The following ITPR1 variants were observed in gnomAD, a reference collection of about 807,000 sequenced individuals.
ITPR1 encodes inositol 1,4,5-trisphosphate-gated calcium channel ITPR1.
Under a neutral mutation model 318.4 loss-of-function variants are expected in ITPR1, and 96 were observed. The ratio of observed to expected loss-of-function variants is 0.30; its 90% CI spans 0.26 to 0.36. ITPR1 has a LOEUF of 0.36. Among genes scored for constraint, ITPR1 ranks in the 10% least tolerant of loss-of-function variants. The pLI is 1.00. For missense variants in ITPR1, 2,440 were observed against 3,460.2 expected, an observed-to-expected ratio of 0.71 and a Z score of 7.40; for synonymous variants, 1,312 against 1,289.9, an observed-to-expected ratio of 1.02 and a Z score of -0.37.
intron 20 of ITPR1, among the ~76,000 whole-genome samples, chr3:4,672,102 G>A (rs1444385418): frequency 6.6e-6 from 1 of 152,118 alleles, no homozygotes; most frequent in Non-Finnish European, 1.5e-5. Context: ...TTGATCACAT[G>A]CTGCAGTTCT....
chr3:4,574,537 G>C (rs1265996634), intron 4 of ITPR1, among the ~76,000 whole-genome samples: 1 of 152,158 alleles, frequency 6.6e-6, no homozygotes, highest in South Asian at 2.1e-4. Context: ...TTCCCAGTTT[G>C]TTTGGGATCA....
At chr3:4,555,768 T>A (rs777330732) in intron 4 of ITPR1, among the ~76,000 whole-genome samples, 5 of 152,228 alleles carry the variant, frequency 3.3e-5, no homozygotes, top group East Asian at 1.9e-4. Context: ...ACTTAAAAAA[T>A]TTATACAGCT....
At position 4,779,526 on chromosome 3, in the gene ITPR1, C is replaced by G. The variant is rs1176096404; in HGVS notation, c.6292-24C>G. 6.3e-7 allele frequency: 1 copy of G among 1,589,560 alleles called. No individual in the cohort carries two copies. Among genetic ancestry groups the G allele is most frequent in the Non-Finnish European group, 8.6e-7 (1 of 1,158,788 alleles). ...CCCCCAAGCAGCCCCTCTACATTTCCTCTCCCTTTGTTTCTCCAACTAGAA... is the reference window on the plus strand; with the variant it reads ...CCCCCAAGCAGCCCCTCTACATTTCGTCTCCCTTTGTTTCTCCAACTAGAA... On this transcript the variant is annotated intron_variant, in intron 48 of 61. Transcript: ENST00000649015. The surrounding 1 kb of genome is among the most constrained non-coding windows in gnomAD (Gnocchi z 4.0).
Position 4,673,308 on chromosome 3 carries a change from C to T in ITPR1, c.2377C>T (p.Arg793Ter), listed in dbSNP as rs2125214086. 1 of 1,613,848 alleles carries T rather than the reference C, an allele frequency of 6.2e-7. No homozygotes were observed. The highest frequency in any genetic ancestry group is 8.5e-7 in the Non-Finnish European group (1 of 1,179,826). ...CRLMLHMHVD[R>*]DPQEQVTPVK... Reference sequence around the variant, plus strand: ...CCTCATGCTTCACATGCATGTGGACCGAGATCCCCAGGAACAAGTCACCCC... The same window carrying T: ...CCTCATGCTTCACATGCATGTGGACTGAGATCCCCAGGAACAAGTCACCCC... Residue 793 changes from arginine (R) to a stop codon, truncating the protein, a stop_gained, in exon 21 of 62, where the codon CGA becomes TGA. Transcript: ENST00000649015. LOFTEE classifies it high-confidence loss of function.
intron 44 of ITPR1, among the ~76,000 whole-genome samples, chr3:4,738,656 G>A (rs971690232): frequency 5.3e-5 from 8 of 152,190 alleles, no homozygotes; most frequent in African/African-American, 1.4e-4. Flanking sequence ...TGTTTTTCAC[G>A]GAGCACCCTG....
chr3:4,801,198 G>C (rs752666095), intron 54 of ITPR1, among the ~76,000 whole-genome samples: 3 of 152,192 alleles, frequency 2.0e-5, no homozygotes, highest in Non-Finnish European at 4.4e-5. Flanking sequence ...CATTGGAGAG[G>C]TTTCCTTGTG....
At chr3:4,691,663 C>T (rs996395818) in intron 32 of ITPR1, among the ~76,000 whole-genome samples, 18 of 151,920 alleles carry the variant, frequency 1.2e-4, no homozygotes, top group African/African-American at 1.9e-4. Context: ...TGAGCCAGAA[C>T]GCTTCCATTC....
chr3:4,621,736 A>G lies in ITPR1; in HGVS notation c.164-6027A>G, dbSNP rs529002854. ...GCTCTAGCCTTTGCCTACTACTACC[A>G]GTCCTGCTTTTCTACTCAATCTGTC... On this transcript the variant is annotated intron_variant, in intron 4 of 61. Transcript: ENST00000649015. Among the ~76,000 whole-genome samples, 135 of 152,278 alleles carry G rather than the reference A, an allele frequency of 8.9e-4. 1 individual carries two copies. The highest frequency in any genetic ancestry group is 3.0e-3 in the African/African-American group (126 of 41,552).
At chr3:4,768,869 C>A in intron 46 of ITPR1, 105 bp downstream of exon 46, 2 of 1,122,030 alleles carry the variant, frequency 1.8e-6, no homozygotes, top group Non-Finnish European at 2.6e-6. Flanking sequence ...ATTGCTTGAG[C>A]CAAGGATCCA....
At chr3:4,648,550 C>T (rs1178421838) in intron 10 of ITPR1, among the ~76,000 whole-genome samples, 2 of 152,238 alleles carry the variant, frequency 1.3e-5, no homozygotes, top group African/African-American at 2.4e-5. Flanking sequence ...TGGCTCATGC[C>T]TGTAATCCCA....
intron 39 of ITPR1, among the ~76,000 whole-genome samples, chr3:4,713,940 A>G (rs1251973244): frequency 6.6e-6 from 1 of 152,186 alleles, no homozygotes; most frequent in Non-Finnish European, 1.5e-5. Flanking sequence ...AGCCACTCCA[A>G]ACCTGCAAGA....
chr3:4,800,382 T>C, intron 53 of ITPR1, 43 bp from the exon 54 acceptor site: 1 of 1,596,922 alleles, frequency 6.3e-7, no homozygotes, highest in Non-Finnish European at 8.5e-7. Flanking sequence ...CTGTACTCAG[T>C]GAAGGCACAG....
chr3:4,712,865 AAG>A (rs1262147922), intron 39 of ITPR1, among the ~76,000 whole-genome samples: 1 of 152,254 alleles, frequency 6.6e-6, no homozygotes, highest in African/African-American at 2.4e-5. Flanking sequence ...TGTAAGCAAC[AAG>A]AGTTCCATGA....
At chr3:4,773,666 T>A (rs1017422066) in intron 46 of ITPR1, among the ~76,000 whole-genome samples, 1 of 152,180 alleles carries the variant, frequency 6.6e-6, no homozygotes. Flanking sequence ...CAAACACTCC[T>A]CCAGCGCCCC....
intron 4 of ITPR1, among the ~76,000 whole-genome samples, chr3:4,562,729 TA>T (rs34217045): frequency 0.81 from 118,400 of 146,976 alleles, 47,521 homozygotes; most frequent in Non-Finnish European, 0.83. Context: ...ACGCATTCAT[TA>T]AAAAAAAAAA....
chr3:4,782,777 TC>T (rs1466099772), intron 50 of ITPR1, 36 bp downstream of exon 50: 1 of 1,418,946 alleles, frequency 7.0e-7, no homozygotes, highest in Non-Finnish European at 9.3e-7. Context: ...GGATGCTGCC[TC>T]CCTACAGGTC....
intron 4 of ITPR1, among the ~76,000 whole-genome samples, chr3:4,556,337 T>C (rs2086123953): frequency 1.3e-5 from 2 of 152,102 alleles, no homozygotes; most frequent in Admixed American, 1.3e-4. Flanking sequence ...TCATTTACGT[T>C]AAGGTTCATT....
chr3:4,663,042 C>T, intron 15 of ITPR1, 23 bp from the exon 16 acceptor site: 1 of 1,611,938 alleles, frequency 6.2e-7, no homozygotes, highest in Non-Finnish European at 8.5e-7. Context: ...ACATCTGTCT[C>T]TAATAGCGTC....
intron 5 of ITPR1, among the ~76,000 whole-genome samples, chr3:4,631,692 C>A (rs2093019499): frequency 6.6e-6 from 1 of 152,188 alleles, no homozygotes; most frequent in Admixed American, 6.5e-5. Flanking sequence ...ATGCAAAGTA[C>A]ACTCTTTTCT....
Sources: gnomAD v4.1 joint callset for allele counts (sites outside exome capture counted in the v4.1 genomes callset) on GRCh38, gnomAD v4.1.1 for gene constraint, Gnocchi (gnomAD v3.1) non-coding constraint, MANE v1.5 for transcripts, NCBI Gene and HGNC (gene_info 2026-07-23, HGNC 2026-07-21) for gene names.